HYAL4: variants seen among roughly 807,000 people sequenced by gnomAD.
HYAL4 encodes the protein hyaluronidase-4.
HYAL4 carries 37 observed loss-of-function variants against 35.2 expected under a neutral mutation model. That is an observed-to-expected ratio of 1.05 (90% CI 0.81 to 1.38). The LOEUF is 1.38. Ranked by LOEUF, HYAL4 falls within the 40% of genes most tolerant of loss-of-function variation. HYAL4 has a pLI of 0.00. For missense variants in HYAL4, 572 were observed against 572.4 expected, an observed-to-expected ratio of 1.00 and a Z score of 0.01; for synonymous variants, 198 against 203.2, an observed-to-expected ratio of 0.97 and a Z score of 0.22.
the HYAL4 span, among the ~76,000 whole-genome samples, chr7:123,782,439 A>G: frequency 6.6e-6 from 1 of 152,184 alleles, no homozygotes; most frequent in Non-Finnish European, 1.5e-5. Flanking sequence ...TTATCAACAC[A>G]TATACTAATA....
chr7:123,869,188 G>A lies in HYAL4; in HGVS notation c.915G>A (p.Arg305=). ...CTCTGCCTGTATTTGTCTACACAAG[G>A]CTAGGGTACAGAGATGAACCTTTAT... ...DYALPVFVYT[R]LGYRDEPLFF... The change falls in exon 3 of 5, where the codon AGG becomes AGA. Residue 305 remains arginine (R), a synonymous_variant. Transcript: ENST00000223026. The A allele has an allele frequency of 6.2e-7, 1 of 1,613,826 alleles. No individual in the cohort carries two copies. The highest frequency in any genetic ancestry group is 8.5e-7 in the Non-Finnish European group (1 of 1,179,950).
chr7:123,786,747 TATCTATCTTTC>T, the HYAL4 span, among the ~76,000 whole-genome samples: 36 of 151,810 alleles, frequency 2.4e-4, no homozygotes, highest in African/African-American at 8.5e-4. Flanking sequence ...TCTATCTATC[TATCTATCTTTC>T]ATCTATCTAA....
the HYAL4 span, among the ~76,000 whole-genome samples, chr7:123,775,271 A>G: frequency 6.6e-6 from 1 of 152,044 alleles, no homozygotes; most frequent in African/African-American, 2.4e-5. Context: ...CATCTCTACA[A>G]AAAGTTTAAA....
At chr7:123,769,992 T>A in the HYAL4 span, among the ~76,000 whole-genome samples, 7 of 152,020 alleles carry the variant, frequency 4.6e-5, no homozygotes, top group Middle Eastern at 3.4e-3. Flanking sequence ...TTTTTTTTTT[T>A]AAACAATATT....
chr7:123,802,795 G>C, the HYAL4 span, among the ~76,000 whole-genome samples: 3 of 152,100 alleles, frequency 2.0e-5, no homozygotes, highest in East Asian at 5.8e-4. Context: ...ATTTTAAAAA[G>C]ATGTAGTACC....
At position 123,857,673 on chromosome 7, in the gene HYAL4, C is replaced by CTTTCTTTG. The variant is rs1562999470; in HGVS notation, c.-52+9522_-52+9523insGTTTCTTT. Among the ~76,000 whole-genome samples the CTTTCTTTG allele has an allele frequency of 2.9e-3, 178 of 60,934 alleles. 2 individuals are homozygous for CTTTCTTTG. Among genetic ancestry groups the CTTTCTTTG allele is most frequent in the African/African-American group, 4.0e-3 (67 of 16,924 alleles). 40.0% of individuals were successfully genotyped at this position (60,934 alleles called of 152,430 possible). Reference sequence around the variant, plus strand: ...TCTTTGTTTCTTTCTTTGTTTGTTTCTTTCTTTCTTTCTTTCTTTCTTTCT... The same window carrying CTTTCTTTG: ...TCTTTGTTTCTTTCTTTGTTTGTTTCTTTCTTTGTTTCTTTCTTTCTTTCTTTCTTTCT... On this transcript the variant is annotated intron_variant, in intron 2 of 4. Coordinates refer to ENST00000223026, the MANE Select transcript of HYAL4 (RefSeq NM_012269.3).
chr7:123,782,818 C>T, the HYAL4 span, among the ~76,000 whole-genome samples: 2 of 152,180 alleles, frequency 1.3e-5, no homozygotes, highest in South Asian at 4.1e-4. Context: ...CTTAGTGTAA[C>T]TCATTTCCTA....
At chr7:123,806,252 G>A in the HYAL4 span, among the ~76,000 whole-genome samples, 241 of 152,258 alleles carry the variant, frequency 1.6e-3, no homozygotes, top group Non-Finnish European at 2.7e-3. Context: ...GGGGAAAGGA[G>A]GATGCTGAAA....
upstream of HYAL4, among the ~76,000 whole-genome samples, chr7:123,844,549 C>T (rs1480253448): frequency 6.6e-6 from 1 of 152,162 alleles, no homozygotes; most frequent in Non-Finnish European, 1.5e-5. Flanking sequence ...GCTGGGAGAA[C>T]CACTGCTCTC....
At chr7:123,864,517 A>G (rs1806644706) in intron 2 of HYAL4, among the ~76,000 whole-genome samples, 1 of 152,072 alleles carries the variant, frequency 6.6e-6, no homozygotes, top group South Asian at 2.1e-4. Flanking sequence ...GAAGGGAGAA[A>G]GAAAAGGAAG....
chr7:123,842,270 G>A (rs867608033), upstream of HYAL4, among the ~76,000 whole-genome samples: 5 of 152,126 alleles, frequency 3.3e-5, no homozygotes, highest in Middle Eastern at 3.4e-3. Flanking sequence ...TAGTCATTTA[G>A]GAGAAAGTTG....
chr7:123,859,243 C>T (rs905454597), intron 2 of HYAL4, among the ~76,000 whole-genome samples: 1 of 152,036 alleles, frequency 6.6e-6, no homozygotes, highest in Non-Finnish European at 1.5e-5. Context: ...TTTTTCATAT[C>T]CAATTTCTCC....
intron 2 of HYAL4, among the ~76,000 whole-genome samples, chr7:123,854,866 G>C (rs1806396012): frequency 6.6e-6 from 1 of 152,170 alleles, no homozygotes; most frequent in Non-Finnish European, 1.5e-5. Flanking sequence ...ATGTCTCTTT[G>C]TAAGTCTCTA....
At position 123,869,047 on chromosome 7, in the gene HYAL4, A is replaced by T. The variant is rs1032919277; in HGVS notation, c.774A>T (p.Leu258Phe). ...LSWLWNSSAA[L>F]YPSIGVWKSL... is the part of the protein sequence containing the mutation. ...GGCTCTGGAACAGCAGTGCTGCTTT[A>T]TATCCTTCTATCGGTGTCTGGAAAT... The change falls in exon 3 of 5, where the codon TTA becomes TTT. Residue 258 changes from leucine to phenylalanine, a missense_variant. Physicochemically the swap from Leu to Phe is conservative, Grantham distance 22. Coordinates refer to ENST00000223026, the MANE Select transcript of HYAL4 (RefSeq NM_012269.3). The T allele has an allele frequency of 1.2e-6, 2 of 1,614,088 alleles. No individual in the cohort carries two copies. Among genetic ancestry groups the T allele is most frequent in the African/African-American group, 2.7e-5 (2 of 74,932 alleles).
At chr7:123,818,665 G>A in the HYAL4 span, among the ~76,000 whole-genome samples, 5 of 152,046 alleles carry the variant, frequency 3.3e-5, no homozygotes, top group Non-Finnish European at 7.4e-5. Flanking sequence ...ATATTGCCTG[G>A]AACATTGTAA....
chr7:123,804,791 A>T, the HYAL4 span, among the ~76,000 whole-genome samples: 1 of 152,356 alleles, frequency 6.6e-6, no homozygotes, highest in African/African-American at 2.4e-5. Flanking sequence ...AATCTTTACA[A>T]ACTTTGGCTA....
In HYAL4 at chr7:123,845,202, CTTTTTTTTTTTTTT is replaced by C. The variant is rs770541919; in HGVS notation, c.-594_-581del. 1 of 76,870 alleles carries C rather than the reference CTTTTTTTTTTTTTT, an allele frequency of 1.3e-5. No individual in the cohort carries two copies. The highest frequency in any genetic ancestry group is 2.3e-5 in the Non-Finnish European group (1 of 42,818). 4.8% of individuals were successfully genotyped at this position (76,870 alleles called of 1,614,324 possible). A position where few individuals can be genotyped will look rare whatever the true frequency, so the allele number is the denominator to read the frequency against. ...TTATTTATGCTATCTATTTCTTTTC[CTTTTTTTTTTTTTT>C]TTTTTTTTTTGAGATGAAGTCTTAC... On this transcript the variant is annotated 5_prime_UTR_variant, in exon 1 of 5. An upstream open reading frame in the 5' UTR loses its in-frame stop. Transcript: ENST00000223026.
the HYAL4 span, among the ~76,000 whole-genome samples, chr7:123,790,114 A>G: frequency 1.1e-4 from 16 of 152,300 alleles, no homozygotes; most frequent in East Asian, 3.1e-3. Context: ...AAGGCCTTCT[A>G]CTGATTAGTT....
intron 2 of HYAL4, among the ~76,000 whole-genome samples, chr7:123,853,048 G>T (rs189155303): frequency 6.6e-6 from 1 of 152,164 alleles, no homozygotes; most frequent in Admixed American, 6.5e-5. Context: ...GTCTATCATT[G>T]GTGTATAGGA....
Sources: gnomAD v4.1 joint callset for allele counts (sites outside exome capture counted in the v4.1 genomes callset) on GRCh38, gnomAD v4.1.1 for gene constraint, MANE v1.5 for transcripts, NCBI Gene and HGNC (gene_info 2026-07-23, HGNC 2026-07-21) for gene names.